NOL4: variants seen among roughly 807,000 people sequenced by gnomAD.
NOL4 encodes the protein nucleolar protein 4, also known as cancer/testis antigen 125.
Under a neutral mutation model 75.9 loss-of-function variants are expected in NOL4, and 17 were observed. The observed-to-expected ratio is 0.22, with a 90% CI of 0.15 to 0.34. NOL4 has a LOEUF of 0.34. Among genes scored for constraint, NOL4 ranks in the 10% least tolerant of loss-of-function variants. The probability of loss-of-function intolerance (pLI) is 1.00; values close to 1 mark genes in which losing one functional copy is unlikely to be tolerated. For missense variants in NOL4, 614 were observed against 793.5 expected, an observed-to-expected ratio of 0.77 and a Z score of 2.72; for synonymous variants, 292 against 289.9, an observed-to-expected ratio of 1.01 and a Z score of -0.07.
At chr18:34,168,381 A>G (rs2032657325) in intron 1 of NOL4, among the ~76,000 whole-genome samples, 1 of 151,718 alleles carries the variant, frequency 6.6e-6, no homozygotes, top group South Asian at 2.1e-4. Flanking sequence ...TAGCCAGAAA[A>G]TTAAGAAATT....
chr18:33,943,238 T>C (rs2068616312), intron 8 of NOL4, 60 bp from the exon 9 acceptor site: 2 of 1,100,810 alleles, frequency 1.8e-6, no homozygotes, highest in Non-Finnish European at 2.7e-6. Context: ...AACAGGCCAA[T>C]GCTATTCTCA....
chr18:34,171,314 G>C (rs953384827), intron 1 of NOL4, among the ~76,000 whole-genome samples: 1 of 152,084 alleles, frequency 6.6e-6, no homozygotes, highest in Non-Finnish European at 1.5e-5. Flanking sequence ...TTCATCAAAG[G>C]CTACCATTAA....
At chr18:34,184,065 C>A (rs1051257560) in intron 1 of NOL4, among the ~76,000 whole-genome samples, 1 of 151,514 alleles carries the variant, frequency 6.6e-6, no homozygotes, top group East Asian at 1.9e-4. Flanking sequence ...TGCAAATGAA[C>A]CCCATCCCAA....
chr18:33,856,609 C>A (rs1203713661), intron 10 of NOL4, among the ~76,000 whole-genome samples: 1 of 151,948 alleles, frequency 6.6e-6, no homozygotes, highest in Non-Finnish European at 1.5e-5. Context: ...TATGAAATGT[C>A]TGGATAACTG....
At chr18:34,106,295 G>A (rs2145694104) in intron 2 of NOL4, among the ~76,000 whole-genome samples, 1 of 152,112 alleles carries the variant, frequency 6.6e-6, no homozygotes, top group African/African-American at 2.4e-5. Flanking sequence ...GCCTAGCCTT[G>A]AGAAAACCCC....
chr18:33,871,123 T>C (rs2063679284), intron 10 of NOL4, among the ~76,000 whole-genome samples: 1 of 152,092 alleles, frequency 6.6e-6, no homozygotes. Flanking sequence ...AAGAGCCAAA[T>C]GACATTTAAA....
At chr18:34,075,922 T>C (rs1285970558) in intron 5 of NOL4, among the ~76,000 whole-genome samples, 1 of 152,172 alleles carries the variant, frequency 6.6e-6, no homozygotes, top group East Asian at 1.9e-4. Context: ...AGTTACTAAT[T>C]GGTCATTTCA....
rs550159951 is a variant in NOL4 at position 33,987,132 on chromosome 18, G to T, written c.1057-28714C>A. 2.6e-5 allele frequency among the ~76,000 whole-genome samples: 4 copies of T among 152,072 alleles called. No homozygotes were observed. In the South Asian group the frequency reaches 8.3e-4, roughly 32 times the overall value. ...GTTGGTAGTTATACAACTATATATG[G>T]TTGTTAAAACTCATAGTACTTTACA... is the stretch of plus-strand genomic sequence containing the variant. On this transcript the variant is annotated intron_variant, in intron 6 of 10. Coordinates refer to ENST00000261592, the MANE Select transcript of NOL4 (RefSeq NM_003787.5).
At chr18:34,208,268 G>A (rs2036261126) in intron 1 of NOL4, among the ~76,000 whole-genome samples, 1 of 152,052 alleles carries the variant, frequency 6.6e-6, no homozygotes, top group Admixed American at 6.5e-5. Flanking sequence ...AGTATAATCA[G>A]TGGAAGGGAT....
intron 1 of NOL4, among the ~76,000 whole-genome samples, chr18:34,169,900 G>A (rs1443702434): frequency 6.6e-6 from 1 of 152,068 alleles, no homozygotes; most frequent in East Asian, 1.9e-4. Flanking sequence ...TACATAATAT[G>A]CACTAATATA....
intron 1 of NOL4, among the ~76,000 whole-genome samples, chr18:34,160,229 T>C (rs1159155618): frequency 1.3e-5 from 2 of 152,142 alleles, no homozygotes; most frequent in Middle Eastern, 3.2e-3. Context: ...TTCAATTCTA[T>C]ATGGATTGAA....
intron 2 of NOL4, among the ~76,000 whole-genome samples, chr18:34,107,730 C>T (rs2079376375): frequency 6.6e-6 from 1 of 151,920 alleles, no homozygotes; most frequent in Non-Finnish European, 1.5e-5. Context: ...TCTCCCAGGC[C>T]TATTCGAAAT....
chr18:33,900,731 A>G (rs1340419318), intron 9 of NOL4, among the ~76,000 whole-genome samples: 1 of 152,178 alleles, frequency 6.6e-6, no homozygotes, highest in Non-Finnish European at 1.5e-5. Context: ...AAGTTTTGGC[A>G]TATGTTTTCA....
chr18:33,927,017 GT>G (rs755727501), intron 9 of NOL4, among the ~76,000 whole-genome samples: 30 of 152,100 alleles, frequency 2.0e-4, no homozygotes, highest in Non-Finnish European at 4.3e-4. Flanking sequence ...TTTTCCAGAA[GT>G]TAGAACCATG....
At chr18:34,077,551 T>A (rs1259281828) in intron 5 of NOL4, among the ~76,000 whole-genome samples, 1 of 151,966 alleles carries the variant, frequency 6.6e-6, no homozygotes, top group Non-Finnish European at 1.5e-5. Context: ...CACCTAACGA[T>A]TAACTTTAAA....
At chr18:34,123,398 A>G (rs987440719) in intron 2 of NOL4, among the ~76,000 whole-genome samples, 1 of 151,190 alleles carries the variant, frequency 6.6e-6, no homozygotes, top group Non-Finnish European at 1.5e-5. Flanking sequence ...TTTAGAAATC[A>G]CTTGTGTAAA....
intron 9 of NOL4, among the ~76,000 whole-genome samples, chr18:33,933,805 C>A (rs374006413): frequency 3.9e-5 from 6 of 152,070 alleles, no homozygotes; most frequent in Non-Finnish European, 5.9e-5. Flanking sequence ...CCACGAGGGT[C>A]GGAATCAACT....
At chr18:34,190,087 C>T (rs867927335) in intron 1 of NOL4, among the ~76,000 whole-genome samples, 3 of 150,722 alleles carry the variant, frequency 2.0e-5, no homozygotes, top group African/African-American at 4.9e-5. Flanking sequence ...CACACACACA[C>T]GCATATATAT....
chr18:34,053,714 TAA>T (rs1249534117), intron 5 of NOL4, among the ~76,000 whole-genome samples: 3 of 152,008 alleles, frequency 2.0e-5, no homozygotes, highest in African/African-American at 7.2e-5. Flanking sequence ...TCTATGCTGA[TAA>T]ATGTTTAATA....
Sources: allele counts gnomAD v4.1 joint callset (sites outside exome capture counted in the v4.1 genomes callset), GRCh38; gene constraint gnomAD v4.1.1; transcripts MANE v1.5; gene names NCBI Gene and HGNC (gene_info 2026-07-23, HGNC 2026-07-21).